TBXAS1: variants seen among roughly 807,000 people sequenced by gnomAD.
TBXAS1 encodes the protein thromboxane A synthase 1.
A neutral mutation model predicts 60.7 loss-of-function variants in TBXAS1; 48 were observed. The ratio of observed to expected loss-of-function variants is 0.79; its 90% CI spans 0.63 to 1.01. The LOEUF (loss-of-function observed/expected upper bound fraction) is 1.01. Among genes scored for constraint, TBXAS1 ranks in the 50% least tolerant of loss-of-function variants. TBXAS1 has a pLI of 0.00. For synonymous variants in TBXAS1, 287 were observed against 269.7 expected (o/e 1.06, Z -0.63); for missense variants, 685 against 686.3 (o/e 1.00, Z 0.02).
chr7:139,936,312 G>A lies in TBXAS1; in HGVS notation c.450+5G>A, dbSNP rs1807783798. On this transcript the variant is annotated splice_donor_5th_base_variant and intron_variant, in intron 5 of 12. Transcript: ENST00000448866. ...AGTCCTGAAAAGCTGAACGAGGTAA[G>A]ACATGAGAAATGCAAACTCTCTTCT... The A allele has an allele frequency of 4.3e-6, 7 of 1,613,782 alleles. No homozygotes were observed. In the East Asian group the frequency reaches 1.6e-4, roughly 36 times the overall value.
At chr7:139,937,432 G>A (rs1215896568) in intron 5 of TBXAS1, among the ~76,000 whole-genome samples, 1 of 152,184 alleles carries the variant, frequency 6.6e-6, no homozygotes, top group Non-Finnish European at 1.5e-5. Flanking sequence ...AGAGGAGGGG[G>A]TTCCACACCT....
chr7:139,892,188 G>A (rs918422649), intron 3 of TBXAS1, among the ~76,000 whole-genome samples: 2 of 152,150 alleles, frequency 1.3e-5, no homozygotes, highest in East Asian at 3.8e-4. Flanking sequence ...TCAGCTGGCC[G>A]TACCAGAAAG....
At chr7:139,864,111 TA>T (rs1801172940) in intron 1 of TBXAS1, among the ~76,000 whole-genome samples, 1 of 151,918 alleles carries the variant, frequency 6.6e-6, no homozygotes, top group Non-Finnish European at 1.5e-5. Context: ...ACAAAAGGAT[TA>T]AAAAGAAAGA....
intron 9 of TBXAS1, among the ~76,000 whole-genome samples, chr7:139,982,893 G>A (rs1055211118): frequency 6.6e-6 from 1 of 152,052 alleles, no homozygotes; most frequent in African/African-American, 2.4e-5. Flanking sequence ...GGCCAAACTC[G>A]AAATAAAACT....
intron 1 of TBXAS1, among the ~76,000 whole-genome samples, chr7:139,832,560 C>T (rs890813643): frequency 4.6e-5 from 7 of 152,094 alleles, no homozygotes; most frequent in African/African-American, 1.7e-4. Flanking sequence ...AGGAAAAGTT[C>T]CCCAGTCTAG....
At chr7:139,957,945 C>T (rs1484909244) in intron 8 of TBXAS1, among the ~76,000 whole-genome samples, 181 bp downstream of exon 8, 1 of 152,020 alleles carries the variant, frequency 6.6e-6, no homozygotes, top group Non-Finnish European at 1.5e-5. Context: ...GAAGGTCAGA[C>T]AAGAAAGGGA....
chr7:139,936,346 G>A, intron 5 of TBXAS1, 39 bp downstream of exon 5: 1 of 1,598,774 alleles, frequency 6.3e-7, no homozygotes, highest in Non-Finnish European at 8.6e-7. Context: ...CTCTTACGGA[G>A]CAGGTTTCTT....
At chr7:139,826,515 A>G (rs186438308), upstream of TBXAS1, among the ~76,000 whole-genome samples, 28 of 152,314 alleles carry the variant, frequency 1.8e-4, 1 homozygote, top group Admixed American at 7.2e-4. Context: ...GCGGTTCACT[A>G]TCTTATTTGT....
Position 139,797,743 on chromosome 7 carries a change from G to A in TBXAS1, c.-80+10317G>A, listed in dbSNP as rs145121264. Reference sequence around the variant, plus strand: ...TAAAGGGTCAGTGCACAGGCAGTAAGTACTGCTGACCACTGTAATGTCCAC... The same window carrying A: ...TAAAGGGTCAGTGCACAGGCAGTAAATACTGCTGACCACTGTAATGTCCAC... On this transcript the variant is annotated intron_variant, in intron 4 of 16. Transcript: ENST00000336425. Among the ~76,000 whole-genome samples the A allele has an allele frequency of 3.0e-4, 46 of 152,314 alleles. No individual in the cohort carries two copies. In the East Asian group the frequency reaches 8.3e-3, roughly 27 times the overall value.
intron 1 of TBXAS1, among the ~76,000 whole-genome samples, chr7:139,832,072 A>T (rs1798736577): frequency 6.6e-6 from 1 of 152,310 alleles, no homozygotes; most frequent in South Asian, 2.1e-4. Context: ...GATCAACTGC[A>T]AGAATAAATC....
In TBXAS1 at chr7:139,879,799, G is replaced by A. The variant is rs112527388; in HGVS notation, c.236+4162G>A. 7.3e-3 allele frequency among the ~76,000 whole-genome samples: 1,098 copies of A among 151,406 alleles called. 17 individuals carry two copies. The highest frequency in any genetic ancestry group is 0.026 in the African/African-American group (1,054 of 41,158). ...AGGTCATTAGCAACTCCTAAAGGCCGCCATTCAAAGCTCCTTTTCCCTTTA... is the reference window on the plus strand; with the variant it reads ...AGGTCATTAGCAACTCCTAAAGGCCACCATTCAAAGCTCCTTTTCCCTTTA... On this transcript the variant is annotated intron_variant, in intron 3 of 12. Coordinates refer to ENST00000448866, the MANE Select transcript of TBXAS1 (RefSeq NM_001061.7).
chr7:139,913,078 T>TGG, intron 4 of TBXAS1: 1 of 700,998 alleles, frequency 1.4e-6, no homozygotes, highest in Non-Finnish European at 2.6e-6. Context: ...CAGAGCATCA[T>TGG]GCCCAACTCC....
At chr7:139,948,899 T>C (rs1197751283) in intron 5 of TBXAS1, among the ~76,000 whole-genome samples, 2 of 152,282 alleles carry the variant, frequency 1.3e-5, no homozygotes, top group Non-Finnish European at 2.9e-5. Flanking sequence ...ATGATGGCTA[T>C]TGGCCAACAT....
At chr7:139,866,436 A>G (rs1801422838) in intron 1 of TBXAS1, among the ~76,000 whole-genome samples, 1 of 152,120 alleles carries the variant, frequency 6.6e-6, no homozygotes, top group South Asian at 2.1e-4. Context: ...TTAAATGAAA[A>G]AAGTAGAAAT....
At chr7:139,883,321 C>T (rs541165889) in intron 3 of TBXAS1, among the ~76,000 whole-genome samples, 1 of 152,304 alleles carries the variant, frequency 6.6e-6, no homozygotes, top group East Asian at 1.9e-4. Context: ...TGATTTAAGA[C>T]CACCTTCTTT....
At chr7:139,847,424 C>T (rs902574233) in intron 1 of TBXAS1, among the ~76,000 whole-genome samples, 4 of 152,164 alleles carry the variant, frequency 2.6e-5, no homozygotes, top group African/African-American at 4.8e-5. Flanking sequence ...CTCATCCAAG[C>T]CCTTACCCAC....
chr7:139,899,655 G>A (rs920119513), intron 3 of TBXAS1, among the ~76,000 whole-genome samples: 6 of 152,218 alleles, frequency 3.9e-5, no homozygotes, highest in African/African-American at 1.4e-4. Flanking sequence ...CCGGAAAGGA[G>A]TCTATATGTA....
chr7:139,957,828 CTG>C, intron 8 of TBXAS1, 64 bp downstream of exon 8: 1 of 1,608,296 alleles, frequency 6.2e-7, no homozygotes, highest in Non-Finnish European at 8.5e-7. Context: ...ATCACTGTCT[CTG>C]CTCTTTCTCT....
At chr7:139,973,528 A>G (rs941286497) in intron 9 of TBXAS1, among the ~76,000 whole-genome samples, 1 of 150,920 alleles carries the variant, frequency 6.6e-6, no homozygotes, top group African/African-American at 2.4e-5. Context: ...GACTGTGGAC[A>G]GCATTATGGT....
Sources: gnomAD v4.1 joint callset for allele counts (sites outside exome capture counted in the v4.1 genomes callset) on GRCh38, gnomAD v4.1.1 for gene constraint, MANE v1.5 for transcripts, NCBI Gene and HGNC (gene_info 2026-07-23, HGNC 2026-07-21) for gene names.